Variants in PCNX2 observed in about 807,000 individuals in gnomAD.
PCNX2 encodes the protein pecanex-like protein 2.
PCNX2 carries 168 observed loss-of-function variants against 223.8 expected under a neutral mutation model. The ratio of observed to expected loss-of-function variants is 0.75; its 90% CI spans 0.66 to 0.85. The LOEUF is 0.85. PCNX2 is among the 40% of genes least tolerant of loss of function. PCNX2 has a pLI of 0.00. For synonymous variants in PCNX2, 1,006 were observed against 1,052.6 expected (o/e 0.96, Z 0.86); for missense variants, 2,507 against 2,675.5 (o/e 0.94, Z 1.39).
chr1:233,265,720 G>A (rs1660298887), intron 1 of PCNX2, among the ~76,000 whole-genome samples: 2 of 151,972 alleles, frequency 1.3e-5, no homozygotes, highest in African/African-American at 2.4e-5. Context: ...ATAACAGGGG[G>A]GTCCATTTTC....
intron 21 of PCNX2, among the ~76,000 whole-genome samples, chr1:233,121,670 GA>G (rs1675803057): frequency 6.6e-6 from 1 of 152,166 alleles, no homozygotes; most frequent in African/African-American, 2.4e-5. Context: ...CTAAATGGAT[GA>G]CAGATGGTAG....
intron 8 of PCNX2, among the ~76,000 whole-genome samples, chr1:233,241,825 C>T (rs1381340762): frequency 2.0e-5 from 3 of 152,130 alleles, no homozygotes; most frequent in African/African-American, 7.2e-5. Flanking sequence ...ATCTAGTTGA[C>T]TTGTTTTATT....
intron 19 of PCNX2, among the ~76,000 whole-genome samples, chr1:233,149,038 G>A (rs974351743): frequency 6.6e-6 from 1 of 152,158 alleles, no homozygotes; most frequent in Non-Finnish European, 1.5e-5. Context: ...TTGTGTTAGG[G>A]TTCACACAAA....
chr1:232,988,671 T>C (rs1669584356), intron 32 of PCNX2, among the ~76,000 whole-genome samples: 1 of 152,198 alleles, frequency 6.6e-6, no homozygotes, highest in South Asian at 2.1e-4. Context: ...ATCTGAACAA[T>C]CGTGGTGTAG....
At chr1:233,247,057 A>G (rs1466864198) in intron 8 of PCNX2, among the ~76,000 whole-genome samples, 1 of 152,234 alleles carries the variant, frequency 6.6e-6, no homozygotes, top group Non-Finnish European at 1.5e-5. Context: ...GAGATGTTTG[A>G]GACAATCGGA....
At chr1:233,067,866 T>C (rs1295371008) in intron 23 of PCNX2, among the ~76,000 whole-genome samples, 1 of 152,024 alleles carries the variant, frequency 6.6e-6, no homozygotes, top group Non-Finnish European at 1.5e-5. Context: ...CAGACTGCTG[T>C]CTGCAATCTG....
intron 32 of PCNX2, among the ~76,000 whole-genome samples, chr1:232,995,347 T>C (rs867631493): frequency 6.6e-6 from 1 of 152,230 alleles, no homozygotes; most frequent in Admixed American, 6.5e-5. Context: ...GTGTGTGGGG[T>C]ATTTAGCCAG....
At chr1:233,151,835 C>T (rs1196801742) in intron 19 of PCNX2, among the ~76,000 whole-genome samples, 10 of 152,104 alleles carry the variant, frequency 6.6e-5, no homozygotes, top group East Asian at 1.9e-4. Context: ...CTACCATGCC[C>T]GGCCAATTTT....
Position 233,258,651 on chromosome 1 carries a change from G to T in PCNX2, c.1211C>A (p.Thr404Asn). Residue 404 changes from threonine (T) to asparagine (N), a missense_variant, in exon 5 of 34, where the codon ACC (threonine) becomes AAC (asparagine). Around this residue, in one of 3 missense-constraint regions of PCNX2, gnomAD observed 1,031 missense variants for 1,021.7 expected, o/e 1.01. Coordinates refer to ENST00000258229, the MANE Select transcript of PCNX2 (RefSeq NM_014801.4). Reference protein sequence around the residue: ...LHLRVVGTEKTSVKSDAEPTN... With the variant: ...LHLRVVGTEKNSVKSDAEPTN... Reference sequence around the variant, plus strand: ...GGGCTCAGCGTCAGACTTTACACTGGTCTTCTCTGTGCCAACCACCCTCAG... The same window carrying T: ...GGGCTCAGCGTCAGACTTTACACTGTTCTTCTCTGTGCCAACCACCCTCAG... The T allele has an allele frequency of 1.2e-6, 2 of 1,613,994 alleles. No individual in the cohort carries two copies. The highest frequency in any genetic ancestry group is 1.7e-6 in the Non-Finnish European group (2 of 1,179,892).
intron 21 of PCNX2, among the ~76,000 whole-genome samples, chr1:233,100,270 G>A (rs1018316345): frequency 1.6e-4 from 25 of 151,878 alleles, no homozygotes; most frequent in East Asian, 5.8e-4. Context: ...AAAATTAGCC[G>A]AGCGTGGTGG....
chr1:233,116,320 G>A (rs953891174), intron 21 of PCNX2, among the ~76,000 whole-genome samples: 7 of 152,082 alleles, frequency 4.6e-5, no homozygotes, highest in Non-Finnish European at 8.8e-5. Context: ...ACAGGAGAAC[G>A]CACAGTCTTT....
At chr1:233,058,152 G>T in intron 23 of PCNX2, 1 of 732,994 alleles carries the variant, frequency 1.4e-6, no homozygotes, top group Non-Finnish European at 1.7e-6. Context: ...GCTTTTGTAA[G>T]GCAGCCAGTC....
intron 24 of PCNX2, 133 bp downstream of exon 24, chr1:233,057,099 T>C: frequency 1.2e-6 from 1 of 803,916 alleles, no homozygotes; most frequent in South Asian, 1.8e-5. Flanking sequence ...CACAGTTTTA[T>C]TCCACATTCA....
rs1427298349 is a variant in PCNX2, at chr1:233,258,572, T to G, written c.1290A>C (p.Val430=). 3 of 1,613,870 alleles carry G rather than the reference T, an allele frequency of 1.9e-6. No individual in the cohort carries two copies. Among genetic ancestry groups the G allele is most frequent in the Non-Finnish European group, 2.5e-6 (3 of 1,179,850 alleles). ...SPNAEQISIP[V]ITLDLPEGGG... The stretch of plus-strand genomic sequence containing the variant: ...CACCCTCAGGCAGGTCCAGGGTGAT[T>G]ACAGGAATTGAGATCTGCTCGGCAT... The change falls in exon 5 of 34, where the codon GTA becomes GTC. Residue 430 remains valine (V), a synonymous_variant. Transcript: ENST00000258229.
At chr1:233,312,893 A>T in the PCNX2 span, among the ~76,000 whole-genome samples, 18 of 152,252 alleles carry the variant, frequency 1.2e-4, no homozygotes, top group Non-Finnish European at 2.6e-4. Context: ...ATTCATATGA[A>T]GAAAACCTTA....
chr1:233,292,364 C>T (rs758762179), intron 1 of PCNX2, among the ~76,000 whole-genome samples: 14 of 151,928 alleles, frequency 9.2e-5, no homozygotes, highest in Non-Finnish European at 1.5e-4. Flanking sequence ...TGCACCACCA[C>T]GCCCAGCTAA....
At position 232,999,230 on chromosome 1, in the gene PCNX2, C is replaced by A. The variant is rs770189432; in HGVS notation, c.5478G>T (p.Gly1826=). The A allele has an allele frequency of 6.2e-7, 1 of 1,613,844 alleles. No homozygotes were observed. Among genetic ancestry groups the A allele is most frequent in the Non-Finnish European group, 8.5e-7 (1 of 1,179,858 alleles). The change falls in exon 31 of 34, where the codon GGG becomes GGT. Residue 1826 remains glycine (G), a synonymous_variant. Coordinates refer to ENST00000258229, the MANE Select transcript of PCNX2 (RefSeq NM_014801.4). ...LINSSCDQPL[G]YPMYVSPLTT... ...TTAGTGGGGAGACATACATGGGGTA[C>A]CCCAGGGGCTGATCGCAGGAGGAGT...
At chr1:232,987,262 AC>A (rs1669528690) in intron 32 of PCNX2, among the ~76,000 whole-genome samples, 1 of 152,190 alleles carries the variant, frequency 6.6e-6, no homozygotes, top group African/African-American at 2.4e-5. Context: ...GGACTGGACT[AC>A]CCCCAAAGAT....
intron 15 of PCNX2, among the ~76,000 whole-genome samples, chr1:233,190,363 C>T (rs763150324): frequency 6.6e-6 from 1 of 152,164 alleles, no homozygotes; most frequent in African/African-American, 2.4e-5. Flanking sequence ...ACCCTCTTGA[C>T]AATTTGCTAA....
Sources: gnomAD v4.1 joint callset for allele counts (sites outside exome capture counted in the v4.1 genomes callset) on GRCh38, gnomAD v4.1.1 for gene constraint, gnomAD v4.1.1 regional missense constraint, MANE v1.5 for transcripts, NCBI Gene and HGNC (gene_info 2026-07-23, HGNC 2026-07-21) for gene names.